The following ZFAT variants were observed in gnomAD, a reference collection of about 807,000 sequenced individuals.
The protein encoded by ZFAT is zinc finger protein ZFAT.
A neutral mutation model predicts 117.7 loss-of-function variants in ZFAT; 64 were observed. The observed-to-expected ratio is 0.54, with a 90% CI of 0.44 to 0.67. ZFAT has a LOEUF of 0.67. ZFAT is among the 30% of genes least tolerant of loss of function. The pLI is 0.00. For synonymous variants in ZFAT, 679 were observed against 615.0 expected (o/e 1.10, Z -1.54); for missense variants, 1,433 against 1,584.5 (o/e 0.90, Z 1.62).
intron 11 of ZFAT, among the ~76,000 whole-genome samples, chr8:134,547,888 C>G (rs1346526357): frequency 6.6e-6 from 1 of 152,156 alleles, no homozygotes; most frequent in South Asian, 2.1e-4. Flanking sequence ...GGCTGAGCAC[C>G]TCCTTTCTAA....
intron 7 of ZFAT, among the ~76,000 whole-genome samples, chr8:134,591,777 C>A (rs148279729): frequency 6.6e-6 from 1 of 152,146 alleles, no homozygotes; most frequent in Non-Finnish European, 1.5e-5. Context: ...CCAAGAAATG[C>A]CAAAGACAGA....
intron 10 of ZFAT, among the ~76,000 whole-genome samples, chr8:134,567,898 C>T (rs183097480): frequency 5.7e-4 from 87 of 152,356 alleles, no homozygotes; most frequent in African/African-American, 2.0e-3. Context: ...ATTGAACACT[C>T]TGGTAATTGG....
chr8:134,636,958 G>A (rs1244813010), intron 3 of ZFAT, among the ~76,000 whole-genome samples: 1 of 152,208 alleles, frequency 6.6e-6, no homozygotes, highest in Non-Finnish European at 1.5e-5. Flanking sequence ...GGCCCATCGA[G>A]GTCCCTCATA....
chr8:134,691,194 C>T (rs1212718322), intron 1 of ZFAT, among the ~76,000 whole-genome samples: 1 of 152,266 alleles, frequency 6.6e-6, no homozygotes, highest in Non-Finnish European at 1.5e-5. Context: ...TTTTCCCTCA[C>T]CATGCTAGGC....
chr8:134,608,475 T>C (rs564210535), intron 5 of ZFAT, among the ~76,000 whole-genome samples: 1 of 152,332 alleles, frequency 6.6e-6, no homozygotes, highest in East Asian at 1.9e-4. Flanking sequence ...TTAAATAAAA[T>C]GCTCTGGCTT....
chr8:134,573,581 C>T (rs1825092642), intron 10 of ZFAT, among the ~76,000 whole-genome samples: 1 of 152,190 alleles, frequency 6.6e-6, no homozygotes, highest in South Asian at 2.1e-4. Flanking sequence ...TCTGGAAATA[C>T]AGTGTTTCAC....
chr8:134,574,309 T>C (rs894096013), intron 10 of ZFAT, among the ~76,000 whole-genome samples: 3 of 152,132 alleles, frequency 2.0e-5, no homozygotes, highest in Non-Finnish European at 2.9e-5. Context: ...TCCCATTCTC[T>C]GCTCCTGAAA....
the ZFAT span, among the ~76,000 whole-genome samples, chr8:134,831,595 G>C: frequency 6.6e-6 from 1 of 152,204 alleles, no homozygotes; most frequent in Admixed American, 6.5e-5. Context: ...AAGGCGCCTC[G>C]TCCCGAGGGC....
rs74635629 is a variant in ZFAT at position 134,690,294 on chromosome 8, A to G, written c.19+22551T>C. Among the ~76,000 whole-genome samples the G allele has an allele frequency of 6.2e-3, 950 of 152,360 alleles. 11 individuals carry two copies. Among genetic ancestry groups the G allele is most frequent in the African/African-American group, 0.021 (887 of 41,580 alleles). ...ATCGAGACAAAGAATTAGCAGACTT[A>G]GAACCTGCAGACCAAGTCCCTGTCC... On this transcript the variant is annotated intron_variant, in intron 1 of 15. Coordinates refer to ENST00000377838, the MANE Select transcript of ZFAT (RefSeq NM_020863.4).
chr8:134,739,297 GTGT>G, the ZFAT span, among the ~76,000 whole-genome samples: 1 of 146,140 alleles, frequency 6.8e-6, no homozygotes, highest in South Asian at 2.3e-4. Context: ...ATGTGTGTGT[GTGT>G]GTGTGTGTGT....
chr8:134,672,064 T>G (rs1434351970), intron 1 of ZFAT, among the ~76,000 whole-genome samples: 2 of 152,204 alleles, frequency 1.3e-5, no homozygotes, highest in African/African-American at 4.8e-5. Flanking sequence ...GAAGGACCTC[T>G]TCAAGGAGAA....
At chr8:134,582,764 C>T (rs1346406198) in intron 10 of ZFAT, among the ~76,000 whole-genome samples, 2 of 152,082 alleles carry the variant, frequency 1.3e-5, no homozygotes, top group African/African-American at 4.8e-5. Flanking sequence ...GGGCCCAACC[C>T]CCACACACAC....
the ZFAT span, among the ~76,000 whole-genome samples, chr8:134,743,944 C>T: frequency 2.6e-5 from 4 of 152,196 alleles, no homozygotes; most frequent in South Asian, 2.1e-4. Flanking sequence ...GTGGCTATCA[C>T]GAGAGGGTGA....
Position 134,712,942 on chromosome 8 carries a change from G to A in ZFAT, c.-79C>T. On this transcript the variant is annotated 5_prime_UTR_variant, in exon 1 of 16. Transcript: ENST00000377838. ...CCCGTGCCGACCGAGGGGGCGGGGC[G>A]CCCTGCTGACGCTTCGCTTTTTATT... 1 of 1,415,018 alleles carries A rather than the reference G, an allele frequency of 7.1e-7. No homozygotes were observed. The highest frequency in any genetic ancestry group is 9.3e-7 in the Non-Finnish European group (1 of 1,074,072). 87.7% of individuals were successfully genotyped at this position (1,415,018 alleles called of 1,614,324 possible).
intron 2 of ZFAT, among the ~76,000 whole-genome samples, chr8:134,653,589 T>TACAC (rs765211088): frequency 6.6e-6 from 1 of 151,672 alleles, no homozygotes; most frequent in East Asian, 1.9e-4. Flanking sequence ...CTTCTCACAA[T>TACAC]ACACACACAC....
intron 15 of ZFAT, among the ~76,000 whole-genome samples, chr8:134,495,419 T>C (rs1180386416): frequency 6.6e-6 from 1 of 151,964 alleles, no homozygotes; most frequent in Non-Finnish European, 1.5e-5. Context: ...CCAAATACCA[T>C]CATTTTGGGG....
the ZFAT span, among the ~76,000 whole-genome samples, chr8:134,824,816 C>A: frequency 0.32 from 48,120 of 152,018 alleles, 8,527 homozygotes; most frequent in African/African-American, 0.47. Flanking sequence ...TTAAAACTAT[C>A]ATTTAAATGA....
At chr8:134,642,839 T>C (rs1158798307) in intron 2 of ZFAT, among the ~76,000 whole-genome samples, 1 of 152,236 alleles carries the variant, frequency 6.6e-6, no homozygotes, top group African/African-American at 2.4e-5. Context: ...CTGACGTTTA[T>C]TTCCAAAGCT....
chr8:134,735,796 C>G, the ZFAT span, among the ~76,000 whole-genome samples: 1 of 151,998 alleles, frequency 6.6e-6, no homozygotes, highest in Non-Finnish European at 1.5e-5. Flanking sequence ...CCATTTCCAC[C>G]CAAGCAAAGC....
Sources: allele counts gnomAD v4.1 joint callset (sites outside exome capture counted in the v4.1 genomes callset), GRCh38; gene constraint gnomAD v4.1.1; transcripts MANE v1.5; gene names NCBI Gene and HGNC (gene_info 2026-07-23, HGNC 2026-07-21).